The following RNFT2 variants were observed in gnomAD, a reference collection of about 807,000 sequenced individuals.
RNFT2 encodes E3 ubiquitin-protein ligase RNFT2.
RNFT2 carries 36 observed loss-of-function variants against 53.0 expected under a neutral mutation model. The observed-to-expected ratio is 0.68, with a 90% confidence interval of 0.52 to 0.90. The LOEUF is 0.90. Ranked by LOEUF, RNFT2 falls within the 40% of genes least tolerant of loss-of-function variation. The pLI is 0.00. For synonymous variants in RNFT2, 260 were observed against 253.2 expected, an observed-to-expected ratio of 1.03 and a Z score of -0.26; for missense variants, 514 against 585.6, an observed-to-expected ratio of 0.88 and a Z score of 1.26.
chr12:116,767,097 A>G (rs1022917551), intron 6 of RNFT2, among the ~76,000 whole-genome samples, 183 bp downstream of exon 6: 5 of 152,250 alleles, frequency 3.3e-5, no homozygotes, highest in Non-Finnish European at 5.9e-5. Context: ...TTTCAAGGCA[A>G]GCCACATAGG....
intron 6 of RNFT2, among the ~76,000 whole-genome samples, chr12:116,775,863 C>G (rs571346229): frequency 1.3e-5 from 2 of 152,034 alleles, no homozygotes; most frequent in Non-Finnish European, 2.9e-5. Context: ...GCCAACATGG[C>G]GAAACCCTGT....
chr12:116,771,460 T>TAAAAA (rs35911608), intron 6 of RNFT2, among the ~76,000 whole-genome samples: 1 of 64,120 alleles, frequency 1.6e-5, no homozygotes. Flanking sequence ...ATCCTATCGT[T>TAAAAA]AAAAAAAAAA....
intron 7 of RNFT2, among the ~76,000 whole-genome samples, chr12:116,833,571 T>G (rs1217114217): frequency 2.0e-5 from 3 of 152,068 alleles, no homozygotes; most frequent in Non-Finnish European, 4.4e-5. Flanking sequence ...GGCACTTTGG[T>G]CTTCTGGGCT....
At chr12:116,789,667 A>C (rs1276952934) in intron 7 of RNFT2, among the ~76,000 whole-genome samples, 1 of 129,938 alleles carries the variant, frequency 7.7e-6, no homozygotes, top group Non-Finnish European at 1.6e-5. Flanking sequence ...GGATGGATGG[A>C]TAAATGGGAG....
intron 7 of RNFT2, among the ~76,000 whole-genome samples, chr12:116,813,467 C>G (rs1875487761): frequency 6.6e-6 from 1 of 152,206 alleles, no homozygotes. Context: ...CCCCATCACC[C>G]TCAGGTGTTT....
In RNFT2 at chr12:116,766,121, A is replaced by T. The variant is rs562887009; in HGVS notation, c.628-693A>T. 7.7e-3 allele frequency among the ~76,000 whole-genome samples: 1,169 copies of T among 151,784 alleles called. 10 individuals carry two copies. The highest frequency in any genetic ancestry group is 0.012 in the South Asian group (55 of 4,778). Reference sequence around the variant, plus strand: ...ACTCTGTCTCTAAAAAAAAATAAAAATTTTTTTTTAATTAGCCAGGTATAG... The same window carrying T: ...ACTCTGTCTCTAAAAAAAAATAAAATTTTTTTTTTAATTAGCCAGGTATAG... On this transcript the variant is annotated intron_variant, in intron 5 of 10. Coordinates refer to ENST00000257575, the MANE Select transcript of RNFT2 (RefSeq NM_001382266.1).
intron 7 of RNFT2, among the ~76,000 whole-genome samples, chr12:116,813,203 C>T (rs1248745260): frequency 6.6e-6 from 1 of 152,092 alleles, no homozygotes. Flanking sequence ...AAGCGATCCA[C>T]CCACCTTGGC....
At chr12:116,740,207 G>C (rs774344831) in intron 1 of RNFT2, 138 bp from the exon 2 acceptor site, 48 of 309,494 alleles carry the variant, frequency 1.6e-4, no homozygotes, top group Admixed American at 3.0e-4. Flanking sequence ...GAGTTTCAAG[G>C]GGGGATCACT....
intron 10 of RNFT2, among the ~76,000 whole-genome samples, chr12:116,844,674 A>G (rs1369699683): frequency 6.6e-6 from 1 of 152,224 alleles, no homozygotes; most frequent in Middle Eastern, 3.2e-3. Context: ...AAGGGGTCTT[A>G]GCACCAGAAT....
At chr12:116,743,839 G>A (rs920318393) in intron 3 of RNFT2, among the ~76,000 whole-genome samples, 5 of 152,094 alleles carry the variant, frequency 3.3e-5, no homozygotes, top group South Asian at 2.1e-4. Flanking sequence ...CCAAACCCCA[G>A]CTCAGCCACT....
chr12:116,816,643 A>C (rs117471462), intron 7 of RNFT2, among the ~76,000 whole-genome samples: 6,046 of 152,294 alleles, frequency 0.04, 171 homozygotes, highest in South Asian at 0.085. Flanking sequence ...CACCTCTGCT[A>C]CATCTGAGCT....
intron 3 of RNFT2, chr12:116,748,656 T>C (rs1312617747): frequency 6.6e-6 from 3 of 452,412 alleles, no homozygotes; most frequent in Middle Eastern, 3.3e-4. Context: ...GCCCACCCAA[T>C]GTCAGCTGTG....
At chr12:116,830,247 C>T (rs1876570440) in intron 7 of RNFT2, among the ~76,000 whole-genome samples, 1 of 152,094 alleles carries the variant, frequency 6.6e-6, no homozygotes, top group Non-Finnish European at 1.5e-5. Context: ...TCACATTTTG[C>T]CAGTTGCCCC....
chr12:116,832,475 C>T (rs146056537), intron 7 of RNFT2, among the ~76,000 whole-genome samples: 3 of 152,158 alleles, frequency 2.0e-5, no homozygotes, highest in Non-Finnish European at 2.9e-5. Context: ...CATTGATGGG[C>T]GTCTGGGCTG....
At chr12:116,755,787 A>G in intron 5 of RNFT2, 6 of 1,531,842 alleles carry the variant, frequency 3.9e-6, no homozygotes, top group Non-Finnish European at 5.4e-6. Flanking sequence ...ATTCACATAT[A>G]CATGGCCAAA....
chr12:116,766,864 G>C lies in RNFT2; in HGVS notation c.678G>C (p.Gly226=). 1.9e-6 allele frequency: 3 copies of C among 1,598,626 alleles called. No homozygotes were observed. The highest frequency in any genetic ancestry group is 2.6e-6 in the Non-Finnish European group (3 of 1,172,292). ...TGTGGATCCTGGCCTTTCTGGCGGG[G>C]AACACCCTCTATGTGCTTTATACAT... ...VILWILAFLA[G]NTLYVLYTFS... is the part of the protein sequence containing the mutation. Residue 226 remains glycine (G), a synonymous_variant, in exon 6 of 11, where the codon GGG becomes GGC. Coordinates refer to ENST00000257575, the MANE Select transcript of RNFT2 (RefSeq NM_001382266.1).
At chr12:116,750,410 C>A in intron 4 of RNFT2, 103 bp downstream of exon 4, 6 of 1,083,428 alleles carry the variant, frequency 5.5e-6, no homozygotes, top group African/African-American at 1.6e-5. Flanking sequence ...GGAGAGGCAG[C>A]AGAGACCAAC....
At chr12:116,744,575 C>G (rs1871807046) in intron 3 of RNFT2, among the ~76,000 whole-genome samples, 1 of 152,186 alleles carries the variant, frequency 6.6e-6, no homozygotes, top group Admixed American at 6.5e-5. Flanking sequence ...CCTGTGTCCC[C>G]CAGCACCTGT....
intron 10 of RNFT2, among the ~76,000 whole-genome samples, chr12:116,848,644 C>T (rs976152450): frequency 6.6e-6 from 1 of 152,134 alleles, no homozygotes; most frequent in African/African-American, 2.4e-5. Context: ...GCCTCAGGGC[C>T]TTTGCACATT....
Sources: gnomAD v4.1 joint callset for allele counts (sites outside exome capture counted in the v4.1 genomes callset) on GRCh38, gnomAD v4.1.1 for gene constraint, MANE v1.5 for transcripts, NCBI Gene and HGNC (gene_info 2026-07-23, HGNC 2026-07-21) for gene names.